The following APIP variants were observed in gnomAD, a reference collection of about 807,000 sequenced individuals.
APIP encodes methylthioribulose-1-phosphate dehydratase.
In APIP, 32 loss-of-function variants were observed where a neutral mutation model predicts 32.0. That is an observed-to-expected ratio of 1.00 (90% CI 0.76 to 1.34). The LOEUF (loss-of-function observed/expected upper bound fraction) is 1.34, where lower values mean the gene tolerates loss of function less well. Among genes scored for constraint, APIP ranks in the 40% most tolerant of loss-of-function variants. The pLI, the probability that APIP is intolerant of heterozygous loss-of-function variation, is 0.00. For missense variants in APIP, 247 were observed against 298.6 expected, an observed-to-expected ratio of 0.83 and a Z score of 1.27; for synonymous variants, 92 against 94.8, an observed-to-expected ratio of 0.97 and a Z score of 0.17.
At chr11:34,899,834 C>T (rs1043453429) in intron 1 of APIP, among the ~76,000 whole-genome samples, 3 of 152,212 alleles carry the variant, frequency 2.0e-5, no homozygotes, top group African/African-American at 7.2e-5. Flanking sequence ...GGGACGCCCC[C>T]ACTGTTTTCT....
intron 2 of APIP, among the ~76,000 whole-genome samples, chr11:34,893,921 TAA>T (rs1232852944): frequency 1.3e-5 from 2 of 152,236 alleles, no homozygotes; most frequent in East Asian, 3.9e-4. Context: ...AATATTTTAA[TAA>T]TCCAATTTTG....
intron 1 of APIP, among the ~76,000 whole-genome samples, chr11:34,900,571 ACGTTG>A (rs1853357010): frequency 6.6e-6 from 1 of 152,150 alleles, no homozygotes; most frequent in South Asian, 2.1e-4. Context: ...GAGGGATGTT[ACGTTG>A]CTGCTACGTC....
chr11:34,885,441 G>GGC (rs2133902960), intron 5 of APIP, among the ~76,000 whole-genome samples: 1 of 151,996 alleles, frequency 6.6e-6, no homozygotes, highest in African/African-American at 2.4e-5. Flanking sequence ...GGCGAACGTG[G>GGC]GAATAAAAGA....
Position 34,905,482 on chromosome 11 carries a change from G to A in APIP, c.58-10372C>T, listed in dbSNP as rs183145069. Among the ~76,000 whole-genome samples, 30 of 152,296 alleles carry A rather than the reference G, an allele frequency of 2.0e-4. No individual in the cohort carries two copies. In the East Asian group the frequency reaches 4.8e-3, roughly 24 times the overall value. ...GGAGCAACACTCTGCTCCCAGTGCC[G>A]GAGAACACTCTGCCTGAAGATAAGC... On this transcript the variant is annotated intron_variant, in intron 1 of 6. Transcript: ENST00000395787.
At chr11:34,886,754 T>A (rs567476387) in intron 5 of APIP, among the ~76,000 whole-genome samples, 2 of 152,226 alleles carry the variant, frequency 1.3e-5, no homozygotes, top group Non-Finnish European at 2.9e-5. Flanking sequence ...TGTGTTGCAA[T>A]TGCCTACAGT....
chr11:34,916,088 C>G (rs1853676131), intron 1 of APIP, 140 bp downstream of exon 1: 3 of 1,126,184 alleles, frequency 2.7e-6, no homozygotes, highest in African/African-American at 1.6e-5. Flanking sequence ...CGCGGTGCGC[C>G]GGGGTAGCGA....
intron 1 of APIP, 151 bp from the exon 2 acceptor site, chr11:34,895,261 T>C: frequency 1.4e-6 from 1 of 704,538 alleles, no homozygotes; most frequent in South Asian, 1.9e-5. Flanking sequence ...TACAAACATA[T>C]TTTGTTTTTA....
chr11:34,909,990 A>G (rs948233102), intron 1 of APIP, among the ~76,000 whole-genome samples: 2 of 152,220 alleles, frequency 1.3e-5, no homozygotes, highest in Non-Finnish European at 2.9e-5. Context: ...GAGTATGGCA[A>G]CAGGGTATGA....
At chr11:34,906,114 G>T (rs1368809880) in intron 1 of APIP, among the ~76,000 whole-genome samples, 1 of 152,042 alleles carries the variant, frequency 6.6e-6, no homozygotes, top group Admixed American at 6.5e-5. Flanking sequence ...AAAATCTGCC[G>T]GTGTCTCTCA....
chr11:34,905,585 T>C (rs550416120), intron 1 of APIP, among the ~76,000 whole-genome samples: 2 of 152,242 alleles, frequency 1.3e-5, no homozygotes, highest in South Asian at 2.1e-4. Flanking sequence ...GGAAGGACCA[T>C]GCTTGGGAGA....
intron 1 of APIP, among the ~76,000 whole-genome samples, chr11:34,914,623 G>T (rs189569727): frequency 6.6e-6 from 1 of 152,090 alleles, no homozygotes; most frequent in Non-Finnish European, 1.5e-5. Flanking sequence ...ACTAGTAACC[G>T]CAATCCAGAT....
At chr11:34,910,255 A>G (rs1853524908) in intron 1 of APIP, among the ~76,000 whole-genome samples, 1 of 152,252 alleles carries the variant, frequency 6.6e-6, no homozygotes, top group African/African-American at 2.4e-5. Flanking sequence ...TATGTAAATT[A>G]GGTCAACCAC....
chr11:34,906,531 T>C (rs112340526), intron 1 of APIP, among the ~76,000 whole-genome samples: 5,803 of 152,268 alleles, frequency 0.038, 246 homozygotes, highest in African/African-American at 0.1. Flanking sequence ...ATTTCTATTA[T>C]GATGCAACAA....
At chr11:34,884,908 G>A (rs557694439) in intron 5 of APIP, among the ~76,000 whole-genome samples, 51 of 151,958 alleles carry the variant, frequency 3.4e-4, no homozygotes, top group Non-Finnish European at 5.9e-4. Flanking sequence ...ATTCAAGCCA[G>A]TCCTCCCACT....
intron 2 of APIP, 154 bp from the exon 3 acceptor site, chr11:34,890,706 C>T (rs941386431): frequency 5.1e-5 from 32 of 630,104 alleles, no homozygotes; most frequent in Non-Finnish European, 7.6e-5. Flanking sequence ...GAAAGAAAGC[C>T]AAACTACATC....
At chr11:34,895,230 T>C in intron 1 of APIP, 120 bp from the exon 2 acceptor site, 1 of 815,068 alleles carries the variant, frequency 1.2e-6, no homozygotes, top group Non-Finnish European at 2.0e-6. Context: ...ATAGAAAGAG[T>C]ACAGTGAAGG....
intron 1 of APIP, among the ~76,000 whole-genome samples, chr11:34,901,952 C>G (rs999011155): frequency 2.6e-5 from 4 of 152,178 alleles, no homozygotes; most frequent in Non-Finnish European, 5.9e-5. Flanking sequence ...AGGGCCTCCT[C>G]AAACCCTTTA....
chr11:34,906,522 T>C (rs1376928691), intron 1 of APIP, among the ~76,000 whole-genome samples: 1 of 152,194 alleles, frequency 6.6e-6, no homozygotes, highest in Non-Finnish European at 1.5e-5. Flanking sequence ...GTACTTACTA[T>C]TTCTATTATG....
chr11:34,886,202 G>T (rs1450959017), intron 5 of APIP, among the ~76,000 whole-genome samples: 1 of 151,994 alleles, frequency 6.6e-6, no homozygotes, highest in Non-Finnish European at 1.5e-5. Flanking sequence ...ACTTGCCCCT[G>T]AAGACCTTCC....
Sources: allele counts gnomAD v4.1 joint callset (sites outside exome capture counted in the v4.1 genomes callset), GRCh38; gene constraint gnomAD v4.1.1; transcripts MANE v1.5; gene names NCBI Gene and HGNC (gene_info 2026-07-23, HGNC 2026-07-21).